Variants in CUX1 observed in about 807,000 individuals in gnomAD.
CUX1 encodes protein CASP.
A neutral mutation model predicts 158.8 loss-of-function variants in CUX1; 31 were observed. That is an observed-to-expected ratio of 0.20 (90% CI 0.15 to 0.26). CUX1 has a LOEUF of 0.26. Among genes scored for constraint, CUX1 ranks in the 10% least tolerant of loss-of-function variants. The probability of loss-of-function intolerance (pLI) is 1.00; values close to 1 mark genes in which losing one functional copy is unlikely to be tolerated. For missense variants in CUX1, 1,589 were observed against 2,014.6 expected (o/e 0.79, Z 4.04); for synonymous variants, 879 against 862.1 (o/e 1.02, Z -0.34).
At chr7:101,901,241 A>C (rs1245615102) in intron 1 of CUX1, among the ~76,000 whole-genome samples, 1 of 151,990 alleles carries the variant, frequency 6.6e-6, no homozygotes, top group Non-Finnish European at 1.5e-5. Flanking sequence ...ACAAAAAATC[A>C]CCCAATATTG....
chr7:102,038,784 C>A (rs1821726566), intron 3 of CUX1, among the ~76,000 whole-genome samples: 1 of 152,016 alleles, frequency 6.6e-6, no homozygotes, highest in African/African-American at 2.4e-5. Context: ...AGACCTCCAT[C>A]TTGACAAAAA....
intron 3 of CUX1, among the ~76,000 whole-genome samples, chr7:102,037,012 G>A (rs1821512831): frequency 6.6e-6 from 1 of 152,194 alleles, no homozygotes; most frequent in Non-Finnish European, 1.5e-5. Flanking sequence ...GCAACATGGT[G>A]AAACCCTGTC....
chr7:102,223,988 A>T (rs559717257), intron 20 of CUX1, among the ~76,000 whole-genome samples: 1 of 152,180 alleles, frequency 6.6e-6, no homozygotes, highest in South Asian at 2.1e-4. Flanking sequence ...GAAAAGAATG[A>T]CTTTCTCCCC....
At chr7:102,164,112 T>C (rs781822049) in intron 9 of CUX1, among the ~76,000 whole-genome samples, 7 of 152,220 alleles carry the variant, frequency 4.6e-5, no homozygotes, top group African/African-American at 1.4e-4. Context: ...TTGAACTGCA[T>C]GTGAAACCCC....
In CUX1 at chr7:102,248,228, G is replaced by C. The variant is rs1303376201; in HGVS notation, c.3888-184G>C. On this transcript the variant is annotated intron_variant, in intron 23 of 23. Transcript: ENST00000292535. This position sits in a 1 kb window ranked among gnomAD's most constrained non-coding sequence, Gnocchi z 5.8. The stretch of plus-strand genomic sequence containing the variant: ...CTGGGATGGCTCCTGGCCAGGCCCG[G>C]AGGGGTGGGTGGTGACTCTGGAGAG... 6.6e-6 allele frequency among the ~76,000 whole-genome samples: 1 copy of C among 152,196 alleles called. No individual in the cohort carries two copies. The highest frequency in any genetic ancestry group is 2.4e-5 in the African/African-American group (1 of 41,458).
chr7:102,145,694 C>T (rs1412585392), intron 8 of CUX1, among the ~76,000 whole-genome samples: 1 of 152,102 alleles, frequency 6.6e-6, no homozygotes, highest in African/African-American at 2.4e-5. Flanking sequence ...CGCCTGTAAT[C>T]CCAACACTTT....
chr7:102,048,380 T>C (rs112140501), intron 3 of CUX1, among the ~76,000 whole-genome samples: 1,610 of 152,292 alleles, frequency 0.011, 32 homozygotes, highest in African/African-American at 0.037. Flanking sequence ...AAAAGCCTCA[T>C]GGACACAGCC....
At chr7:102,095,418 C>T (rs888317578) in intron 4 of CUX1, among the ~76,000 whole-genome samples, 1 of 152,128 alleles carries the variant, frequency 6.6e-6, no homozygotes, top group Non-Finnish European at 1.5e-5. Context: ...GCTGTGTATA[C>T]GTGCAGAGTA....
intron 1 of CUX1, among the ~76,000 whole-genome samples, chr7:101,875,270 G>A (rs539493200): frequency 7.9e-5 from 12 of 152,268 alleles, no homozygotes; most frequent in African/African-American, 2.6e-4. Flanking sequence ...CCACATGCCA[G>A]GCCTTCAGTG....
In CUX1 at chr7:102,251,246, T is replaced by C; in HGVS notation, c.*2204T>C. ...AATTAATATTACTTTTTTTTTTATTTGGGGGGTGGGAGGGAGTTATAATTT... is the reference window on the plus strand; with the variant it reads ...AATTAATATTACTTTTTTTTTTATTCGGGGGGTGGGAGGGAGTTATAATTT... On this transcript the variant is annotated 3_prime_UTR_variant, in exon 24 of 24. Coordinates refer to ENST00000292535, the MANE Select transcript of CUX1 (RefSeq NM_181552.4). 1 of 947,100 alleles carries C rather than the reference T, an allele frequency of 1.1e-6. No homozygotes were observed. The highest frequency in any genetic ancestry group is 1.2e-6 in the Non-Finnish European group (1 of 800,516). The allele number at this position is 947,100 out of a possible 1,614,324, so 58.7% of individuals were successfully genotyped here.
chr7:101,943,735 T>G (rs1172464579), intron 2 of CUX1, among the ~76,000 whole-genome samples: 1 of 151,994 alleles, frequency 6.6e-6, no homozygotes, highest in Non-Finnish European at 1.5e-5. Flanking sequence ...TGGCACCTTT[T>G]GGCTTGTGGA....
rs71119801 is a variant in CUX1, at chr7:102,030,691, G to GTTTTTTTT, written c.189+2551_189+2558dup. ...TATCTAATTTTCTATTTTAAAAAGTGTTTTTTTTTTTTGAGACAGGGTCTC... is the reference window on the plus strand; with the variant it reads ...TATCTAATTTTCTATTTTAAAAAGTGTTTTTTTTTTTTTTTTTTTTGAGACAGGGTCTC... On this transcript the variant is annotated intron_variant, in intron 3 of 23. Transcript: ENST00000292535. Among the ~76,000 whole-genome samples, 16 of 119,404 alleles carry GTTTTTTTT rather than the reference G, an allele frequency of 1.3e-4. 3 individuals carry two copies. Among genetic ancestry groups the GTTTTTTTT allele is most frequent in the Admixed American group, 1.9e-4 (2 of 10,318 alleles). The allele number at this position is 119,404 out of a possible 152,430, so 78.3% of individuals were successfully genotyped here.
intron 7 of CUX1, 80 bp from the exon 8 acceptor site, chr7:102,115,127 T>A: frequency 7.8e-7 from 1 of 1,277,482 alleles, no homozygotes; most frequent in Non-Finnish European, 1.1e-6. Flanking sequence ...TCTTTGCCTC[T>A]TTTGAAATGG....
chr7:101,881,981 C>G (rs1799755099), intron 1 of CUX1, among the ~76,000 whole-genome samples: 1 of 149,576 alleles, frequency 6.7e-6, no homozygotes, highest in African/African-American at 2.5e-5. Flanking sequence ...AGTTTGAGAC[C>G]AACCTTGGCA....
chr7:101,819,908 A>C (rs1792284118), intron 1 of CUX1, among the ~76,000 whole-genome samples: 1 of 152,190 alleles, frequency 6.6e-6, no homozygotes, highest in South Asian at 2.1e-4. Flanking sequence ...GAAAGGGCCA[A>C]ATAGTCCAAT....
intron 2 of CUX1, among the ~76,000 whole-genome samples, chr7:102,027,697 C>CA (rs1820216126): frequency 1.3e-5 from 2 of 152,074 alleles, no homozygotes; most frequent in Admixed American, 1.3e-4. Flanking sequence ...CCTGTCTCTA[C>CA]AAAAAAATAC....
intron 12 of CUX1, 141 bp downstream of exon 12, chr7:102,190,012 C>T (rs1038679363): frequency 2.1e-5 from 18 of 840,136 alleles, no homozygotes; most frequent in Non-Finnish European, 3.4e-5. Flanking sequence ...CAGAGTTCTA[C>T]CACTGCATGG....
At chr7:101,817,326 C>T (rs1227029767), upstream of CUX1, 1 of 984,760 alleles carries the variant, frequency 1.0e-6, no homozygotes, top group East Asian at 1.1e-4. This position sits in a 1 kb window ranked among gnomAD's most constrained non-coding sequence, Gnocchi z 4.1. Context: ...TCTGCCCTCT[C>T]TGCAGGGCCC....
At chr7:102,279,320 G>A (rs1425216036) in intron 18 of CUX1, among the ~76,000 whole-genome samples, 3 of 152,126 alleles carry the variant, frequency 2.0e-5, no homozygotes, top group African/African-American at 4.8e-5. Context: ...CAGCCTGGGC[G>A]ACAGAGCGAA....
Sources: allele counts gnomAD v4.1 joint callset (sites outside exome capture counted in the v4.1 genomes callset), GRCh38; gene constraint gnomAD v4.1.1; non-coding constraint Gnocchi (gnomAD v3.1); transcripts MANE v1.5; gene names NCBI Gene and HGNC (gene_info 2026-07-23, HGNC 2026-07-21).